The following PRKG1 variants were observed in gnomAD, a reference collection of about 807,000 sequenced individuals.
PRKG1 encodes the protein cGMP-dependent protein kinase 1.
A neutral mutation model predicts 88.1 loss-of-function variants in PRKG1; 35 were observed. The ratio of observed to expected loss-of-function variants is 0.40; its 90% confidence interval spans 0.30 to 0.53. The LOEUF (loss-of-function observed/expected upper bound fraction) is 0.53, where lower values mean the gene tolerates loss of function less well. Among genes scored for constraint, PRKG1 ranks in the 20% least tolerant of loss-of-function variants. The probability of loss-of-function intolerance (pLI) is 0.59; values close to 1 mark genes in which losing one functional copy is unlikely to be tolerated. For synonymous variants in PRKG1, 303 were observed against 292.5 expected, an observed-to-expected ratio of 1.04 and a Z score of -0.37; for missense variants, 540 against 839.8, an observed-to-expected ratio of 0.64 and a Z score of 4.41.
chr10:51,958,788 A>G (rs150559352), intron 5 of PRKG1, among the ~76,000 whole-genome samples: 1,537 of 152,216 alleles, frequency 0.01, 12 homozygotes, highest in Non-Finnish European at 0.016. Flanking sequence ...GGCCAGAACT[A>G]TTTTGTTTAA....
intron 3 of PRKG1, among the ~76,000 whole-genome samples, chr10:51,553,976 C>T (rs117374175): frequency 9.7e-6 from 1 of 103,606 alleles, no homozygotes; most frequent in Non-Finnish European, 2.0e-5. Context: ...TAGATACGTG[C>T]ATATTATATA....
intron 5 of PRKG1, among the ~76,000 whole-genome samples, chr10:51,948,360 C>T (rs1042212103): frequency 3.3e-5 from 5 of 151,972 alleles, no homozygotes; most frequent in African/African-American, 1.2e-4. Flanking sequence ...GTAATTTTGT[C>T]TATAGTTTGT....
intron 3 of PRKG1, among the ~76,000 whole-genome samples, chr10:51,505,529 C>T (rs1017784943): frequency 3.3e-5 from 5 of 152,150 alleles, no homozygotes; most frequent in East Asian, 1.9e-4. Flanking sequence ...TTGATTGGAA[C>T]AGTTTCAGAA....
Position 52,058,900 on chromosome 10 carries a change from G to A in PRKG1, c.841-3637G>A, listed in dbSNP as rs1290949505. Among the ~76,000 whole-genome samples, 6 of 151,750 alleles carry A rather than the reference G, an allele frequency of 4.0e-5. No homozygotes were observed. In the South Asian group the frequency reaches 6.2e-4, roughly 16 times the overall value. Reference sequence around the variant, plus strand: ...AGGGAAAATTATTTGAAAAGTACACGTCTTGTAAGGGGTTTGTATTGATCC... The same window carrying A: ...AGGGAAAATTATTTGAAAAGTACACATCTTGTAAGGGGTTTGTATTGATCC... On this transcript the variant is annotated intron_variant, in intron 6 of 17. Coordinates refer to ENST00000373980, the MANE Select transcript of PRKG1 (RefSeq NM_006258.4).
chr10:51,566,463 C>T (rs560778397), intron 3 of PRKG1, among the ~76,000 whole-genome samples: 25 of 152,092 alleles, frequency 1.6e-4, no homozygotes, highest in African/African-American at 6.0e-4. Flanking sequence ...TGTTGAGAAC[C>T]AGTGGGCAAA....
chr10:52,165,432 G>T (rs935775301), intron 9 of PRKG1, among the ~76,000 whole-genome samples: 2 of 151,954 alleles, frequency 1.3e-5, no homozygotes, highest in African/African-American at 4.8e-5. Flanking sequence ...AATTTATAAG[G>T]GTTGCCAATG....
intron 4 of PRKG1, among the ~76,000 whole-genome samples, chr10:51,881,112 T>G: frequency 6.6e-6 from 1 of 152,042 alleles, no homozygotes; most frequent in Non-Finnish European, 1.5e-5. Flanking sequence ...GTGAAGATCC[T>G]GTGCCCCAGG....
chr10:51,732,098 T>C (rs1446967409), intron 3 of PRKG1, among the ~76,000 whole-genome samples: 1 of 149,354 alleles, frequency 6.7e-6, no homozygotes, highest in Admixed American at 6.7e-5. Flanking sequence ...CTCACTCTGA[T>C]GCCCAGGCTG....
chr10:51,885,918 AG>A (rs1841557434), intron 4 of PRKG1, among the ~76,000 whole-genome samples: 1 of 152,242 alleles, frequency 6.6e-6, no homozygotes, highest in Non-Finnish European at 1.5e-5. Context: ...CTAAGCTGGA[AG>A]GTATGAAATA....
intron 6 of PRKG1, among the ~76,000 whole-genome samples, chr10:52,062,121 A>C (rs1453509353): frequency 6.6e-6 from 1 of 152,190 alleles, no homozygotes; most frequent in Admixed American, 6.5e-5. Context: ...CAATATTAAG[A>C]GAAAAAAGTA....
chr10:52,249,698 G>A (rs181544416), intron 9 of PRKG1, among the ~76,000 whole-genome samples: 3 of 152,054 alleles, frequency 2.0e-5, no homozygotes, highest in African/African-American at 4.8e-5. Context: ...TGACGCACAC[G>A]TGTAATCCCA....
intron 3 of PRKG1, among the ~76,000 whole-genome samples, chr10:51,478,446 A>G (rs10997735): frequency 3.3e-4 from 50 of 152,076 alleles, no homozygotes; most frequent in African/African-American, 1.2e-3. Context: ...GGCCCCCTTG[A>G]TGATTCAAAC....
chr10:51,281,216 T>C (rs1185286753), intron 2 of PRKG1, among the ~76,000 whole-genome samples: 1 of 152,176 alleles, frequency 6.6e-6, no homozygotes, highest in African/African-American at 2.4e-5. Context: ...TGATCGTTCC[T>C]CTGGAAGCTT....
chr10:51,017,051 C>T (rs1406240382), intron 1 of PRKG1, among the ~76,000 whole-genome samples: 1 of 151,858 alleles, frequency 6.6e-6, no homozygotes, highest in African/African-American at 2.4e-5. Flanking sequence ...TCTTGAGTTA[C>T]ATGAGAGTTC....
intron 3 of PRKG1, among the ~76,000 whole-genome samples, chr10:51,741,574 G>C (rs1258637017): frequency 6.6e-6 from 1 of 152,112 alleles, no homozygotes; most frequent in Non-Finnish European, 1.5e-5. Flanking sequence ...AATAACCTGA[G>C]AAGTTTTAAG....
chr10:51,484,201 T>G (rs1039238194), intron 3 of PRKG1, among the ~76,000 whole-genome samples: 2 of 152,134 alleles, frequency 1.3e-5, no homozygotes, highest in African/African-American at 4.8e-5. Context: ...GCACTTGCCT[T>G]TTTTAATGCC....
chr10:51,410,270 ATGTGTG>A (rs71459418), intron 2 of PRKG1, among the ~76,000 whole-genome samples: 1 of 146,796 alleles, frequency 6.8e-6, no homozygotes, highest in East Asian at 2.0e-4. Flanking sequence ...ATATATATAT[ATGTGTG>A]TGTGTGTGTG....
chr10:51,602,646 C>T (rs1316193529), intron 3 of PRKG1, among the ~76,000 whole-genome samples: 1 of 151,496 alleles, frequency 6.6e-6, no homozygotes, highest in Non-Finnish European at 1.5e-5. Flanking sequence ...AACTCCTGGG[C>T]TCAAGTGATC....
intron 5 of PRKG1, among the ~76,000 whole-genome samples, chr10:51,986,784 C>T (rs1246574939): frequency 6.6e-6 from 1 of 152,138 alleles, no homozygotes; most frequent in Non-Finnish European, 1.5e-5. Context: ...CTGGGACTTG[C>T]CTGTTGGAGG....
Sources: allele counts gnomAD v4.1 joint callset (sites outside exome capture counted in the v4.1 genomes callset), GRCh38; gene constraint gnomAD v4.1.1; transcripts MANE v1.5; gene names NCBI Gene and HGNC (gene_info 2026-07-23, HGNC 2026-07-21).